Variants in RUNX1 observed in about 807,000 individuals in gnomAD.
The protein encoded by RUNX1 is runt-related transcription factor 1.
Under a neutral mutation model 42.8 loss-of-function variants are expected in RUNX1, and 19 were observed. The observed-to-expected ratio is 0.44, with a 90% CI of 0.31 to 0.65. The LOEUF (loss-of-function observed/expected upper bound fraction) is 0.65, where lower values mean the gene tolerates loss of function less well. RUNX1 is among the 30% of genes least tolerant of loss of function. The pLI is 0.07. For synonymous variants in RUNX1, 271 were observed against 289.4 expected (o/e 0.94, Z 0.64); for missense variants, 528 against 672.0 (o/e 0.79, Z 2.37).
chr21:34,841,608 C>T (rs1305460363), intron 6 of RUNX1, among the ~76,000 whole-genome samples: 4 of 152,292 alleles, frequency 2.6e-5, no homozygotes, highest in Admixed American at 2.6e-4. Context: ...ATAGGTTGAG[C>T]TCCCCTCTTT....
chr21:34,869,865 T>G (rs2057713392), intron 5 of RUNX1, among the ~76,000 whole-genome samples: 1 of 152,148 alleles, frequency 6.6e-6, no homozygotes, highest in Non-Finnish European at 1.5e-5. Context: ...TGCTTCATTA[T>G]TAAAATGAAG....
In RUNX1 at chr21:34,799,412, G is replaced by T. The variant is rs769966051; in HGVS notation, c.856C>A (p.Gln286Lys). 3.8e-5 allele frequency: 61 copies of T among 1,614,036 alleles called. No individual in the cohort carries two copies. Among genetic ancestry groups the T allele is most frequent in the Non-Finnish European group, 5.0e-5 (59 of 1,179,990 alleles). Reference protein sequence around the residue: ...SPPWSYDQSYQYLGSIASPSV... With the variant: ...SPPWSYDQSYKYLGSIASPSV... ...GGAGAGGCAATGGATCCCAGGTATT[G>T]GTAGGACTGATCGTAGGACCACGGT... Residue 286 changes from glutamine (Q) to lysine (K), a missense_variant, in exon 8 of 9, where the codon CAA becomes AAA. This residue lies in a region of RUNX1 where 331 missense variants were observed against 382.5 expected (regional missense o/e 0.87). Coordinates refer to ENST00000675419, the MANE Select transcript of RUNX1 (RefSeq NM_001754.5).
At chr21:34,974,138 GA>G (rs1284690321) in intron 2 of RUNX1, among the ~76,000 whole-genome samples, 1 of 152,136 alleles carries the variant, frequency 6.6e-6, no homozygotes, top group East Asian at 1.9e-4. Context: ...TGCAAAGAGA[GA>G]AACTAACTGA....
chr21:34,788,405 T>TA lies in RUNX1; in HGVS notation c.*3729dup, dbSNP rs974997147. 3 of 233,048 alleles carry TA rather than the reference T, an allele frequency of 1.3e-5. No individual in the cohort carries two copies. The highest frequency in any genetic ancestry group is 2.5e-5 in the Non-Finnish European group (3 of 117,746). 14.4% of individuals were successfully genotyped at this position (233,048 alleles called of 1,614,324 possible). The stretch of plus-strand genomic sequence containing the variant: ...TCCCCTAGAACAAAAAAAGTGAACT[T>TA]AAAAAAAATTGGAACCATGCTATTA... On this transcript the variant is annotated 3_prime_UTR_variant, in exon 9 of 9. Transcript: ENST00000675419.
rs1363749418 is a variant in RUNX1, at chr21:34,878,549, C to T, written c.508+2008G>A. The stretch of plus-strand genomic sequence containing the variant: ...TGTTTATGGCATTTCAATTAATTTT[C>T]TCATTCCAGAGTATGGGAAGACAGC... On this transcript the variant is annotated intron_variant, in intron 5 of 8. Coordinates refer to ENST00000675419, the MANE Select transcript of RUNX1 (RefSeq NM_001754.5). Among the ~76,000 whole-genome samples, 4 of 151,986 alleles carry T rather than the reference C, an allele frequency of 2.6e-5. No homozygotes were observed. In the East Asian group the frequency reaches 7.7e-4, roughly 29 times the overall value.
chr21:34,965,626 T>A (rs557277649), intron 2 of RUNX1, among the ~76,000 whole-genome samples: 8 of 152,192 alleles, frequency 5.3e-5, no homozygotes, highest in African/African-American at 1.9e-4. Flanking sequence ...CTGCATGTCC[T>A]TGTTTACTTT....
Position 34,910,041 on chromosome 21 carries a change from G to C in RUNX1, c.59-17078C>G, listed in dbSNP as rs143859053. On this transcript the variant is annotated intron_variant, in intron 2 of 8. Transcript: ENST00000675419. ...CTACAGGCCAGCTTGGCCACTGAAA[G>C]AAGCCAGTGATTAATGTAGTTTTAA... 4.2e-3 allele frequency among the ~76,000 whole-genome samples: 647 copies of C among 152,362 alleles called. 1 individual carries two copies. The highest frequency in any genetic ancestry group is 0.015 in the African/African-American group (609 of 41,586).
intron 3 of RUNX1, chr21:34,888,079 A>G (rs1156510502): frequency 2.8e-6 from 3 of 1,066,196 alleles, no homozygotes; most frequent in Non-Finnish European, 3.4e-6. Context: ...GCAGCCGCAG[A>G]GTCACACACA....
intron 2 of RUNX1, chr21:35,038,611 C>CTGTGTG (rs1234796159): frequency 2.8e-5 from 8 of 288,292 alleles, no homozygotes; most frequent in African/African-American, 1.3e-4. Context: ...CTCTCTCTCT[C>CTGTGTG]TCTGTGTGTG....
intron 2 of RUNX1, among the ~76,000 whole-genome samples, chr21:35,015,133 C>G (rs963168899): frequency 2.4e-4 from 37 of 152,192 alleles, no homozygotes; most frequent in Admixed American, 1.3e-3. Flanking sequence ...GTTCATTCAC[C>G]AGCTCTGCCT....
chr21:34,801,578 A>C (rs2056608587), intron 7 of RUNX1, among the ~76,000 whole-genome samples: 2 of 151,950 alleles, frequency 1.3e-5, no homozygotes, highest in African/African-American at 4.8e-5. Context: ...ACCATAACTT[A>C]GCTTTTCAGG....
chr21:35,022,367 G>A (rs1010199356), intron 2 of RUNX1, among the ~76,000 whole-genome samples: 5 of 152,230 alleles, frequency 3.3e-5, no homozygotes, highest in Non-Finnish European at 7.3e-5. Context: ...CCCCGCAGGA[G>A]TGCCTGAAGG....
intron 2 of RUNX1, among the ~76,000 whole-genome samples, chr21:35,008,176 T>C (rs2059099449): frequency 6.6e-6 from 1 of 152,120 alleles, no homozygotes; most frequent in Non-Finnish European, 1.5e-5. Context: ...TCCAAAAACT[T>C]TCCCTGCCCC....
At chr21:34,863,273 A>G (rs1015993750) in intron 5 of RUNX1, among the ~76,000 whole-genome samples, 1 of 152,218 alleles carries the variant, frequency 6.6e-6, no homozygotes, top group Non-Finnish European at 1.5e-5. Context: ...CACCAGTACA[A>G]GAAATCTGGA....
intron 2 of RUNX1, among the ~76,000 whole-genome samples, chr21:35,048,329 C>T (rs1388597270): frequency 6.6e-6 from 1 of 152,230 alleles, no homozygotes; most frequent in Non-Finnish European, 1.5e-5. Flanking sequence ...CCTGAAGTCC[C>T]CAGGCTGGTG....
chr21:35,038,264 T>C (rs532308007), intron 2 of RUNX1, among the ~76,000 whole-genome samples: 1 of 152,172 alleles, frequency 6.6e-6, no homozygotes, highest in South Asian at 2.1e-4. Flanking sequence ...GGCTTCCTGC[T>C]CCCCGATCCC....
At chr21:34,809,244 C>T (rs571781782) in intron 7 of RUNX1, among the ~76,000 whole-genome samples, 1 of 152,018 alleles carries the variant, frequency 6.6e-6, no homozygotes, top group Non-Finnish European at 1.5e-5. Flanking sequence ...CCATGTCCTT[C>T]TTCTCCAGGA....
chr21:34,880,477 C>T (rs2057881019), intron 5 of RUNX1, 80 bp downstream of exon 5: 1 of 1,356,598 alleles, frequency 7.4e-7, no homozygotes, highest in South Asian at 1.2e-5. Flanking sequence ...GGGATTCCAT[C>T]ACAGAAATCA....
chr21:35,030,922 A>G (rs2059268309), intron 2 of RUNX1, among the ~76,000 whole-genome samples: 1 of 152,216 alleles, frequency 6.6e-6, no homozygotes, highest in Non-Finnish European at 1.5e-5. Flanking sequence ...AAAGGACCTG[A>G]AAAAAACATT....
Sources: gnomAD v4.1 joint callset for allele counts (sites outside exome capture counted in the v4.1 genomes callset) on GRCh38, gnomAD v4.1.1 for gene constraint, gnomAD v4.1.1 regional missense constraint, MANE v1.5 for transcripts, NCBI Gene and HGNC (gene_info 2026-07-23, HGNC 2026-07-21) for gene names.